Variants in NOC3L observed in about 807,000 individuals in gnomAD.
NOC3L encodes the protein nucleolar complex protein 3 homolog.
Under a neutral mutation model 102.5 loss-of-function variants are expected in NOC3L, and 85 were observed. The ratio of observed to expected loss-of-function variants is 0.83; its 90% CI spans 0.70 to 0.99. The LOEUF is 0.99. NOC3L is among the 50% of genes least tolerant of loss of function. The pLI, the probability that NOC3L is intolerant of heterozygous loss-of-function variation, is 0.00. For synonymous variants in NOC3L, 303 were observed against 309.4 expected, an observed-to-expected ratio of 0.98 and a Z score of 0.22; for missense variants, 878 against 914.9, an observed-to-expected ratio of 0.96 and a Z score of 0.52.
chr10:94,347,174 G>C (rs545902360), intron 10 of NOC3L, among the ~76,000 whole-genome samples: 1 of 152,284 alleles, frequency 6.6e-6, no homozygotes, highest in African/African-American at 2.4e-5. Flanking sequence ...CGCAGGCACA[G>C]CAGCATTCCT....
chr10:94,328,828 G>C (rs1003648272), downstream of NOC3L: 2 of 151,808 alleles, frequency 1.3e-5, no homozygotes, highest in African/African-American at 4.8e-5. Context: ...CTTTAAAAAA[G>C]GTTATTGCTT....
At chr10:94,351,454 T>C (rs2054417096) in intron 8 of NOC3L, among the ~76,000 whole-genome samples, 1 of 152,212 alleles carries the variant, frequency 6.6e-6, no homozygotes, top group South Asian at 2.1e-4. Flanking sequence ...TTTAAGAGTT[T>C]ATCATCCCAA....
At chr10:94,326,489 G>GTT in the NOC3L span, among the ~76,000 whole-genome samples, 7 of 152,140 alleles carry the variant, frequency 4.6e-5, no homozygotes, top group African/African-American at 1.7e-4. Context: ...TAGGTGTGAT[G>GTT]TTATACACAC....
In NOC3L at chr10:94,355,026, T is replaced by C. The variant is rs1282817788; in HGVS notation, c.633A>G (p.Leu211=). The C allele has an allele frequency of 1.2e-6, 2 of 1,613,102 alleles. No individual in the cohort carries two copies. The highest frequency in any genetic ancestry group is 1.7e-6 in the Non-Finnish European group (2 of 1,179,552). The change falls in exon 6 of 21, where the codon TTA becomes TTG. Residue 211 remains leucine, a synonymous_variant. Coordinates refer to ENST00000371361, the MANE Select transcript of NOC3L (RefSeq NM_022451.11). Reference sequence around the variant, plus strand: ...CTGCAATATGCATCTTCTTCTCCTGTAATTTCTTCTTTCTCTCAATCAAAT... The same window carrying C: ...CTGCAATATGCATCTTCTTCTCCTGCAATTTCTTCTTTCTCTCAATCAAAT... ...EEHLIERKKK[L]QEKKMHIAAL...
chr10:94,357,112 A>T, intron 4 of NOC3L, 62 bp downstream of exon 4: 1 of 1,258,578 alleles, frequency 7.9e-7, no homozygotes, highest in Non-Finnish European at 1.1e-6. Context: ...TGAGTGAAAA[A>T]AAAACATGAT....
chr10:94,323,474 G>A, the NOC3L span, among the ~76,000 whole-genome samples: 1 of 152,142 alleles, frequency 6.6e-6, no homozygotes, highest in African/African-American at 2.4e-5. Flanking sequence ...TTTCTTTTGT[G>A]TAAATGCCCC....
At chr10:94,340,595 C>T (rs1464583761) in intron 14 of NOC3L, 99 bp from the exon 15 acceptor site, 2 of 988,150 alleles carry the variant, frequency 2.0e-6, no homozygotes, top group Non-Finnish European at 1.5e-6. Context: ...GGAGCAAAGA[C>T]TCAAGCCTGT....
intron 8 of NOC3L, 114 bp from the exon 9 acceptor site, chr10:94,350,402 C>A: frequency 1.1e-6 from 1 of 876,214 alleles, no homozygotes. Flanking sequence ...ACACACATTC[C>A]CACACCCCTT....
chr10:94,342,944 G>C (rs955060629), intron 13 of NOC3L, among the ~76,000 whole-genome samples: 1 of 152,008 alleles, frequency 6.6e-6, no homozygotes, highest in African/African-American at 2.4e-5. Flanking sequence ...AATTAGCCAG[G>C]TGTGATGGCA....
At chr10:94,361,904 C>T in intron 1 of NOC3L, 32 bp from the exon 2 acceptor site, 2 of 1,470,294 alleles carry the variant, frequency 1.4e-6, no homozygotes, top group South Asian at 1.2e-5. Flanking sequence ...ACTGCATACC[C>T]AGAAACTTAT....
At chr10:94,354,931 A>G in intron 6 of NOC3L, 32 bp downstream of exon 6, 1 of 1,604,700 alleles carries the variant, frequency 6.2e-7, no homozygotes, top group Non-Finnish European at 8.5e-7. Context: ...CATACCTAAT[A>G]CAAAGAGCCT....
rs902351554 is a variant in NOC3L, at chr10:94,339,834, C to T, written c.1867G>A (p.Ala623Thr). 7.4e-6 allele frequency: 12 copies of T among 1,614,186 alleles called. No individual in the cohort carries two copies. The highest frequency in any genetic ancestry group is 1.3e-5 in the African/African-American group (1 of 75,060). Residue 623 changes from alanine (A) to threonine (T), a missense_variant, in exon 17 of 21, where the codon GCT (alanine) becomes ACT (threonine). Coordinates refer to ENST00000371361, the MANE Select transcript of NOC3L (RefSeq NM_022451.11). ...CAAAGGCGTTTGATGAAGGCAAGAGCTCGCTGCTGAGAAACTTGCTTTCTG... is the reference window on the plus strand; with the variant it reads ...CAAAGGCGTTTGATGAAGGCAAGAGTTCGCTGCTGAGAAACTTGCTTTCTG... ...KRRKQVSQQR[A>T]LAFIKRLCTL... is the part of the protein sequence containing the mutation.
intron 13 of NOC3L, among the ~76,000 whole-genome samples, chr10:94,342,379 T>A (rs1036686910): frequency 6.6e-6 from 1 of 152,160 alleles, no homozygotes; most frequent in African/African-American, 2.4e-5. Flanking sequence ...CTCTTCAATA[T>A]TAGCAAGAAG....
At chr10:94,349,555 C>A (rs2054389903) in intron 9 of NOC3L, among the ~76,000 whole-genome samples, 177 bp from the exon 10 acceptor site, 1 of 152,098 alleles carries the variant, frequency 6.6e-6, no homozygotes, top group South Asian at 2.1e-4. Context: ...TCATCACAAT[C>A]AAAAATGTAT....
chr10:94,346,769 G>A (rs1294216294), intron 10 of NOC3L, among the ~76,000 whole-genome samples: 1 of 152,030 alleles, frequency 6.6e-6, no homozygotes, highest in African/African-American at 2.4e-5. Flanking sequence ...CAAAACGGAC[G>A]CTAGCAAATA....
chr10:94,316,617 T>C, the NOC3L span: 3 of 1,607,922 alleles, frequency 1.9e-6, no homozygotes, highest in South Asian at 3.3e-5. Context: ...AAATATTTTA[T>C]ATCTAAAGAA....
the NOC3L span, chr10:94,324,937 C>T: frequency 6.2e-7 from 1 of 1,614,170 alleles, no homozygotes; most frequent in South Asian, 1.1e-5. Flanking sequence ...CGCAAGTGAA[C>T]TCAAGAAGCT....
chr10:94,356,528 A>G lies in NOC3L; in HGVS notation c.565+7T>C, dbSNP rs540149612. 46 of 1,544,550 alleles carry G rather than the reference A, an allele frequency of 3.0e-5. 1 individual carries two copies. In the South Asian group the frequency reaches 4.6e-4, roughly 15 times the overall value. ...TTAACAATTTAGTAACTGTAAAGAC[A>G]TATTACCTTCCTCAAGTTCCCTCTC... On this transcript the variant is annotated splice_region_variant and intron_variant, in intron 5 of 20. Transcript: ENST00000371361.
At chr10:94,348,729 A>C (rs2054378058) in intron 10 of NOC3L, among the ~76,000 whole-genome samples, 1 of 152,162 alleles carries the variant, frequency 6.6e-6, no homozygotes, top group Non-Finnish European at 1.5e-5. Context: ...ATGTTTTTGA[A>C]CAACAATTTG....
Sources: gnomAD v4.1 joint callset for allele counts (sites outside exome capture counted in the v4.1 genomes callset) on GRCh38, gnomAD v4.1.1 for gene constraint, MANE v1.5 for transcripts, NCBI Gene and HGNC (gene_info 2026-07-23, HGNC 2026-07-21) for gene names.